Variants in ARID1B observed in about 807,000 individuals in gnomAD.
ARID1B encodes AT-rich interactive domain-containing protein 1B.
In ARID1B, 30 loss-of-function variants were observed where a neutral mutation model predicts 212.3. That is an observed-to-expected ratio of 0.14 (90% CI 0.11 to 0.19). ARID1B has a LOEUF of 0.19. Among genes scored for constraint, ARID1B ranks in the 10% least tolerant of loss-of-function variants. The pLI is 1.00. For synonymous variants in ARID1B, 1,402 were observed against 1,301.7 expected, an observed-to-expected ratio of 1.08 and a Z score of -1.66; for missense variants, 2,891 against 3,204.0, an observed-to-expected ratio of 0.90 and a Z score of 2.36.
At chr6:157,077,296 G>T (rs914765699) in intron 4 of ARID1B, among the ~76,000 whole-genome samples, 3 of 152,036 alleles carry the variant, frequency 2.0e-5, no homozygotes, top group African/African-American at 7.2e-5. Context: ...TAGTCTCTTC[G>T]TTGGCACCTA....
intron 5 of ARID1B, among the ~76,000 whole-genome samples, chr6:157,106,823 C>G (rs1276060906): frequency 6.6e-6 from 1 of 152,086 alleles, no homozygotes; most frequent in East Asian, 1.9e-4. Context: ...AATAAAAAAC[C>G]AAGTGAGGAA....
Position 157,149,405 on chromosome 6 carries a change from A to G in ARID1B, c.3089+454A>G, listed in dbSNP as rs75061565. The G allele has an allele frequency of 7.5e-3, 1,354 of 179,894 alleles. 92 individuals carry two copies. In the East Asian group the frequency reaches 0.14, roughly 19 times the overall value. 11.1% of individuals were successfully genotyped at this position (179,894 alleles called of 1,614,324 possible). A position where few individuals can be genotyped will look rare whatever the true frequency, so the allele number is the denominator to read the frequency against. ...TTCCTAAAATACAAACTTCGTATGTATACATACGTGTATTGTGTGTTTGTC... is the reference window on the plus strand; with the variant it reads ...TTCCTAAAATACAAACTTCGTATGTGTACATACGTGTATTGTGTGTTTGTC... On this transcript the variant is annotated intron_variant, in intron 8 of 19. Coordinates refer to ENST00000636930, the MANE Select transcript of ARID1B (RefSeq NM_001374828.1).
intron 4 of ARID1B, among the ~76,000 whole-genome samples, chr6:156,966,234 G>T (rs1349662023): frequency 2.0e-5 from 3 of 151,984 alleles, no homozygotes; most frequent in African/African-American, 7.3e-5. Context: ...TACTTCAATG[G>T]TATATCGCAG....
chr6:157,104,267 T>C (rs946736197), intron 5 of ARID1B, among the ~76,000 whole-genome samples: 2 of 152,210 alleles, frequency 1.3e-5, no homozygotes, highest in African/African-American at 4.8e-5. Flanking sequence ...AATCTCAACA[T>C]GGTAAAATGT....
intron 4 of ARID1B, among the ~76,000 whole-genome samples, chr6:157,012,308 A>G (rs1340109450): frequency 1.3e-5 from 2 of 152,236 alleles, no homozygotes; most frequent in African/African-American, 4.8e-5. Flanking sequence ...AAGGCAAAAA[A>G]CTGCAATGAC....
intron 4 of ARID1B, among the ~76,000 whole-genome samples, chr6:157,073,004 T>C (rs984284125): frequency 1.3e-5 from 2 of 152,222 alleles, no homozygotes; most frequent in African/African-American, 4.8e-5. Flanking sequence ...AGTATAATAT[T>C]GATTGTTAAT....
At chr6:157,091,481 T>G (rs1204268880) in intron 5 of ARID1B, among the ~76,000 whole-genome samples, 1 of 152,186 alleles carries the variant, frequency 6.6e-6, no homozygotes, top group Non-Finnish European at 1.5e-5. Flanking sequence ...TCTTGCTTAA[T>G]TTGACATTCA....
intron 2 of ARID1B, among the ~76,000 whole-genome samples, chr6:156,893,450 T>G (rs1198027527): frequency 6.6e-6 from 1 of 152,156 alleles, no homozygotes; most frequent in African/African-American, 2.4e-5. Context: ...CGTCAAAGTT[T>G]TAAAAACTTT....
chr6:157,206,794 C>G lies in ARID1B; in HGVS notation c.6022C>G (p.Pro2008Ala). ...ATIDDVLSAR[P>A]GALPEDANPG... ...CATCGATGACGTCCTCTCTGCTCGG[C>G]CAGGGGCATTGCCTGAAGACGCAAA... is the stretch of plus-strand genomic sequence containing the variant. The change falls in exon 20 of 20, where the codon CCA becomes GCA. Residue 2008 changes from proline to alanine, a missense_variant. By Grantham distance (27) the Pro-to-Ala change is conservative (BLOSUM62 -1). This residue lies in a region of ARID1B where 332 missense variants were observed against 369.2 expected (regional missense o/e 0.90). Transcript: ENST00000636930. This position sits in a 1 kb window ranked among gnomAD's most constrained non-coding sequence, Gnocchi z 6.8. 16 of 1,613,960 alleles carry G rather than the reference C, an allele frequency of 9.9e-6. No individual in the cohort carries two copies. Among genetic ancestry groups the G allele is most frequent in the Non-Finnish European group, 1.4e-5 (16 of 1,180,034 alleles).
At chr6:156,813,114 T>A (rs1259027756) in intron 1 of ARID1B, among the ~76,000 whole-genome samples, 32 of 141,314 alleles carry the variant, frequency 2.3e-4, no homozygotes, top group African/African-American at 7.1e-4. Flanking sequence ...ATATATTTTT[T>A]TTTTTTTTGA....
chr6:157,195,542 C>T (rs1040450857), intron 15 of ARID1B: 1 of 152,218 alleles, frequency 6.6e-6, no homozygotes, highest in African/African-American at 2.4e-5. Flanking sequence ...ACTATAATCA[C>T]ATCTGTTAAG....
At chr6:156,835,101 G>T (rs754297153) in intron 2 of ARID1B, among the ~76,000 whole-genome samples, 12 of 151,990 alleles carry the variant, frequency 7.9e-5, no homozygotes, top group Admixed American at 7.9e-4. Context: ...ATTAGCCGGC[G>T]TGGTGGCGGG....
chr6:156,972,754 A>AT (rs1347180234), intron 4 of ARID1B, among the ~76,000 whole-genome samples: 1 of 152,200 alleles, frequency 6.6e-6, no homozygotes, highest in African/African-American at 2.4e-5. Context: ...AATCAGACTG[A>AT]TTACAGTTCT....
chr6:157,133,325 G>T lies in ARID1B; in HGVS notation c.2761+118G>T, dbSNP rs1788683150. 2.7e-5 allele frequency: 33 copies of T among 1,206,516 alleles called. 2 individuals are homozygous for T. The South Asian group carries it at 5.7e-4, about 21-fold the overall frequency. The allele number at this position is 1,206,516 out of a possible 1,614,324, so 74.7% of individuals were successfully genotyped here. On this transcript the variant is annotated intron_variant, in intron 7 of 19. Transcript: ENST00000636930. ...TCGTAAGATCCATTATCTGTTACCT[G>T]ACAGGTTTGTGAGGTTCATACAAGC...
intron 4 of ARID1B, among the ~76,000 whole-genome samples, chr6:157,030,882 G>A (rs573714210): frequency 6.9e-4 from 105 of 152,236 alleles, no homozygotes; most frequent in African/African-American, 2.5e-3. Flanking sequence ...TTCAGAGGAC[G>A]GCCGCTGTAC....
At chr6:157,008,893 C>G (rs1779400230) in intron 4 of ARID1B, among the ~76,000 whole-genome samples, 2 of 152,266 alleles carry the variant, frequency 1.3e-5, no homozygotes, top group South Asian at 4.2e-4. Flanking sequence ...GCACACCCAC[C>G]TTCCCAACTA....
At chr6:156,971,778 C>T (rs1426650713) in intron 4 of ARID1B, among the ~76,000 whole-genome samples, 1 of 152,140 alleles carries the variant, frequency 6.6e-6, no homozygotes, top group Admixed American at 6.5e-5. Flanking sequence ...CAGAGAGTCT[C>T]TCTGATCCCT....
chr6:156,797,626 T>C (rs1020939596), intron 1 of ARID1B, among the ~76,000 whole-genome samples: 4 of 152,346 alleles, frequency 2.6e-5, no homozygotes, highest in Admixed American at 2.6e-4. Context: ...TTGAAGGTGT[T>C]CCTGCTTTTG....
chr6:156,906,189 G>C (rs963652872), intron 3 of ARID1B, among the ~76,000 whole-genome samples: 3 of 151,984 alleles, frequency 2.0e-5, no homozygotes, highest in African/African-American at 7.3e-5. Flanking sequence ...GAAGCTGGGG[G>C]TACTTTTGTG....
Sources: allele counts gnomAD v4.1 joint callset (sites outside exome capture counted in the v4.1 genomes callset), GRCh38; gene constraint gnomAD v4.1.1; regional missense constraint gnomAD v4.1.1; non-coding constraint Gnocchi (gnomAD v3.1); transcripts MANE v1.5; gene names NCBI Gene and HGNC (gene_info 2026-07-23, HGNC 2026-07-21).